Variants in PACRG observed in about 807,000 individuals in gnomAD.
The protein encoded by PACRG is parkin coregulated gene protein.
Under a neutral mutation model 29.7 loss-of-function variants are expected in PACRG, and 29 were observed. The ratio of observed to expected loss-of-function variants is 0.98; its 90% confidence interval spans 0.73 to 1.33. The LOEUF is 1.33. PACRG is among the 40% of genes most tolerant of loss of function. PACRG has a pLI of 0.00. For synonymous variants in PACRG, 116 were observed against 118.7 expected (o/e 0.98, Z 0.15); for missense variants, 279 against 316.2 (o/e 0.88, Z 0.89).
At chr6:163,252,143 C>G (rs1782929500) in intron 4 of PACRG, among the ~76,000 whole-genome samples, 1 of 152,210 alleles carries the variant, frequency 6.6e-6, no homozygotes, top group South Asian at 2.1e-4. Flanking sequence ...CACAATTACC[C>G]CACAAGACGG....
intron 2 of PACRG, among the ~76,000 whole-genome samples, chr6:163,008,238 G>A (rs550262624): frequency 2.7e-4 from 41 of 152,182 alleles, no homozygotes; most frequent in Non-Finnish European, 5.3e-4. Context: ...GTATTGCTCA[G>A]GCCCTCAAAG....
chr6:162,919,185 G>A (rs565473049), intron 2 of PACRG, among the ~76,000 whole-genome samples: 1 of 152,296 alleles, frequency 6.6e-6, no homozygotes, highest in East Asian at 1.9e-4. Context: ...AACATAGCAT[G>A]AACAAATTCA....
intron 4 of PACRG, among the ~76,000 whole-genome samples, chr6:163,244,522 C>T (rs1351406587): frequency 2.0e-5 from 3 of 152,084 alleles, no homozygotes; most frequent in East Asian, 3.9e-4. Context: ...TCTGTATTTT[C>T]GAAAGGAAGG....
chr6:163,177,900 G>T (rs902048673), intron 4 of PACRG, among the ~76,000 whole-genome samples: 1 of 151,738 alleles, frequency 6.6e-6, no homozygotes, highest in Admixed American at 6.6e-5. Context: ...GTGGCCACAG[G>T]TCAACGCTTC....
intron 1 of PACRG, among the ~76,000 whole-genome samples, chr6:162,761,526 C>T (rs1782358612): frequency 6.6e-6 from 1 of 152,078 alleles, no homozygotes; most frequent in South Asian, 2.1e-4. Flanking sequence ...AGTTATATCT[C>T]TTTTAATATT....
intron 1 of PACRG, among the ~76,000 whole-genome samples, chr6:162,792,725 T>C (rs1406387510): frequency 1.3e-5 from 2 of 151,854 alleles, no homozygotes; most frequent in African/African-American, 2.4e-5. Context: ...CAAGAAGAGG[T>C]GAAAAAGGCA....
chr6:163,187,465 C>G (rs1779999119), intron 4 of PACRG, among the ~76,000 whole-genome samples: 1 of 152,110 alleles, frequency 6.6e-6, no homozygotes. Context: ...AGCCCGCGCT[C>G]CTCCCCTCCA....
At chr6:162,732,363 G>A (rs540411014) in intron 1 of PACRG, among the ~76,000 whole-genome samples, 1 of 152,186 alleles carries the variant, frequency 6.6e-6, no homozygotes, top group South Asian at 2.1e-4. Context: ...TCACTATGAG[G>A]GCATGTCCCA....
chr6:162,861,297 T>C lies in PACRG; in HGVS notation c.291+47016T>C, dbSNP rs1791840838. On this transcript the variant is annotated intron_variant, in intron 2 of 4. Coordinates refer to ENST00000366888, the MANE Select transcript of PACRG (RefSeq NM_001080379.2). ...TCTTAATTCAATTGGCTGATATATA[T>C]TCCCAGTTTTCACTCATAGGTGAGC... 2.0e-5 allele frequency among the ~76,000 whole-genome samples: 3 copies of C among 152,300 alleles called. No homozygotes were observed. In the South Asian group the frequency reaches 6.2e-4, roughly 32 times the overall value.
chr6:162,828,929 A>G (rs1185512505), intron 2 of PACRG, among the ~76,000 whole-genome samples: 1 of 152,246 alleles, frequency 6.6e-6, no homozygotes, highest in Non-Finnish European at 1.5e-5. Context: ...ATTATATTTT[A>G]ATTAAATTTT....
chr6:162,895,528 G>A (rs1795104230), intron 2 of PACRG, among the ~76,000 whole-genome samples: 1 of 152,094 alleles, frequency 6.6e-6, no homozygotes. Context: ...TTCTTTGTAT[G>A]TTTTAACGGT....
At chr6:162,989,693 TA>T (rs1184212013) in intron 2 of PACRG, among the ~76,000 whole-genome samples, 2 of 151,706 alleles carry the variant, frequency 1.3e-5, no homozygotes, top group African/African-American at 4.8e-5. Flanking sequence ...AACCCGCAGA[TA>T]TGGAGGGCTG....
At chr6:163,272,673 T>G (rs939090009) in intron 4 of PACRG, among the ~76,000 whole-genome samples, 2 of 152,110 alleles carry the variant, frequency 1.3e-5, no homozygotes, top group African/African-American at 2.4e-5. Flanking sequence ...TGGACTGAGA[T>G]AGATGTATTT....
intron 4 of PACRG, among the ~76,000 whole-genome samples, chr6:163,213,617 C>CT (rs1486568369): frequency 1.3e-5 from 2 of 152,086 alleles, no homozygotes; most frequent in African/African-American, 2.4e-5. Flanking sequence ...ACCATTTATA[C>CT]TTTTTTTATG....
At chr6:163,005,878 T>TTA (rs1001080259) in intron 2 of PACRG, among the ~76,000 whole-genome samples, 26 of 148,010 alleles carry the variant, frequency 1.8e-4, no homozygotes, top group African/African-American at 6.1e-4. Context: ...GTTATACGTG[T>TTA]TATATATATA....
intron 4 of PACRG, among the ~76,000 whole-genome samples, chr6:163,300,225 T>C (rs1038317029): frequency 6.6e-6 from 1 of 152,180 alleles, no homozygotes; most frequent in East Asian, 1.9e-4. Flanking sequence ...TACCAGAGCA[T>C]TTGCCTCAGT....
At chr6:163,314,161 C>T (rs1256016887) in intron 4 of PACRG, among the ~76,000 whole-genome samples, 1 of 152,182 alleles carries the variant, frequency 6.6e-6, no homozygotes, top group Admixed American at 6.5e-5. Context: ...CCTCCCCGGA[C>T]TTGGGGACTC....
intron 2 of PACRG, among the ~76,000 whole-genome samples, chr6:162,906,284 T>C (rs1795928931): frequency 6.6e-6 from 1 of 152,252 alleles, no homozygotes; most frequent in African/African-American, 2.4e-5. Context: ...CTTTCTCCTT[T>C]AAGTCAATCC....
intron 1 of PACRG, among the ~76,000 whole-genome samples, chr6:162,764,414 G>A (rs1231344210): frequency 6.6e-6 from 1 of 152,048 alleles, no homozygotes; most frequent in Non-Finnish European, 1.5e-5. Context: ...TCTTATAACT[G>A]AATCAACACA....
Sources: allele counts gnomAD v4.1 joint callset (sites outside exome capture counted in the v4.1 genomes callset), GRCh38; gene constraint gnomAD v4.1.1; transcripts MANE v1.5; gene names NCBI Gene and HGNC (gene_info 2026-07-23, HGNC 2026-07-21).